Variants in IMMP2L observed in about 807,000 individuals in gnomAD.
IMMP2L encodes inner mitochondrial membrane peptidase subunit 2.
Under a neutral mutation model 19.3 loss-of-function variants are expected in IMMP2L, and 18 were observed. The ratio of observed to expected loss-of-function variants is 0.93; its 90% confidence interval spans 0.64 to 1.38. IMMP2L has a LOEUF of 1.38. Ranked by LOEUF, IMMP2L falls within the 40% of genes most tolerant of loss-of-function variation. The probability of loss-of-function intolerance (pLI) is 0.00; values close to 1 mark genes in which losing one functional copy is unlikely to be tolerated. For synonymous variants in IMMP2L, 76 were observed against 73.0 expected (o/e 1.04, Z -0.21); for missense variants, 233 against 218.2 (o/e 1.07, Z -0.43).
At chr7:111,111,170 AC>A (rs1315843406) in intron 3 of IMMP2L, among the ~76,000 whole-genome samples, 3 of 152,028 alleles carry the variant, frequency 2.0e-5, no homozygotes, top group African/African-American at 4.8e-5. Context: ...CAAATTTATA[AC>A]CCTGTTTTGA....
intron 3 of IMMP2L, among the ~76,000 whole-genome samples, chr7:110,974,142 G>A (rs1820447916): frequency 6.6e-6 from 1 of 152,096 alleles, no homozygotes. Flanking sequence ...ATGCCTGTGG[G>A]TTAAATGTAA....
chr7:111,461,776 T>A (rs1299573108), intron 3 of IMMP2L, among the ~76,000 whole-genome samples: 3 of 152,144 alleles, frequency 2.0e-5, no homozygotes, highest in Non-Finnish European at 4.4e-5. Flanking sequence ...GTTTTTCATA[T>A]TGTTTACAAG....
At chr7:111,481,955 G>A (rs1842228055) in intron 3 of IMMP2L, among the ~76,000 whole-genome samples, 1 of 152,198 alleles carries the variant, frequency 6.6e-6, no homozygotes, top group Non-Finnish European at 1.5e-5. Context: ...CACTCAGGAG[G>A]CTGAGGCAGG....
At chr7:111,454,963 C>A (rs968926470) in intron 3 of IMMP2L, among the ~76,000 whole-genome samples, 1 of 151,454 alleles carries the variant, frequency 6.6e-6, no homozygotes, top group African/African-American at 2.4e-5. Flanking sequence ...AGGAAAACTT[C>A]TAAACTTTAA....
At chr7:111,488,212 TAAGAA>T (rs1842810808) in intron 2 of IMMP2L, among the ~76,000 whole-genome samples, 1 of 152,280 alleles carries the variant, frequency 6.6e-6, no homozygotes, top group Admixed American at 6.5e-5. Context: ...ATAGGTTTTG[TAAGAA>T]AAGACAGTGT....
chr7:111,125,060 A>G lies in IMMP2L; in HGVS notation c.240-161495T>C, dbSNP rs118008724. The G allele has an allele frequency of 4.7e-3, 2,654 of 560,066 alleles. 10 individuals are homozygous for G. The highest frequency in any genetic ancestry group is 5.4e-3 in the Non-Finnish European group (1,721 of 318,946). 34.7% of individuals were successfully genotyped at this position (560,066 alleles called of 1,614,324 possible). A position where few individuals can be genotyped will look rare whatever the true frequency, so the allele number is the denominator to read the frequency against. On this transcript the variant is annotated intron_variant, in intron 3 of 5. Coordinates refer to ENST00000405709, the MANE Select transcript of IMMP2L (RefSeq NM_032549.4). ...GCTTCACCAATGCTGCTCCTGACCA[A>G]TGGAAATATGTACAACTTCAGCATT... is the stretch of plus-strand genomic sequence containing the variant.
At chr7:110,881,987 T>A (rs1184120131) in intron 5 of IMMP2L, among the ~76,000 whole-genome samples, 1 of 152,166 alleles carries the variant, frequency 6.6e-6, no homozygotes, top group Non-Finnish European at 1.5e-5. Context: ...GGCTCTCTCA[T>A]ACCCCCATCT....
At position 110,870,553 on chromosome 7, in the gene IMMP2L, TGTGTGTGTGTGCACGCGCATGTGTGC is replaced by T. The variant is rs1378317270; in HGVS notation, c.408+16014_408+16039del. ...GTAGCTAGAAGCAGGTGTGTGTGAG[TGTGTGTGTGTGCACGCGCATGTGTGC>T]GTGTGTTCCATTTTGTTAGATGCAC... On this transcript the variant is annotated intron_variant, in intron 5 of 5. Transcript: ENST00000405709. This position sits in a 1 kb window ranked among gnomAD's most constrained non-coding sequence, Gnocchi z 4.2. Among the ~76,000 whole-genome samples the T allele has an allele frequency of 9.2e-5, 14 of 151,798 alleles. No homozygotes were observed. Among genetic ancestry groups the T allele is most frequent in the African/African-American group, 3.1e-4 (13 of 41,372 alleles).
At chr7:111,128,486 A>C (rs143581970) in intron 3 of IMMP2L, among the ~76,000 whole-genome samples, 1 of 152,312 alleles carries the variant, frequency 6.6e-6, no homozygotes, top group African/African-American at 2.4e-5. Flanking sequence ...TATTCACTAT[A>C]TCTGCAGAAA....
intron 1 of IMMP2L, among the ~76,000 whole-genome samples, chr7:111,525,845 A>C (rs1469657721): frequency 1.3e-5 from 2 of 152,102 alleles, no homozygotes; most frequent in Non-Finnish European, 2.9e-5. Flanking sequence ...AGGAGTTACA[A>C]TATACCAAGG....
At chr7:111,239,773 T>A (rs948215133) in intron 3 of IMMP2L, among the ~76,000 whole-genome samples, 5 of 151,888 alleles carry the variant, frequency 3.3e-5, no homozygotes, top group South Asian at 2.1e-4. Context: ...GGGGGAAAAA[T>A]GAGCCAAATC....
At chr7:110,714,912 T>C (rs1219920425) in intron 5 of IMMP2L, among the ~76,000 whole-genome samples, 1 of 152,154 alleles carries the variant, frequency 6.6e-6, no homozygotes, top group Non-Finnish European at 1.5e-5. Context: ...CTTTTTTTAA[T>C]TGGCCAATTT....
Position 110,692,817 on chromosome 7 carries a change from A to C in IMMP2L, c.409-29096T>G, listed in dbSNP as rs1269221421. Among the ~76,000 whole-genome samples the C allele has an allele frequency of 2.0e-5, 3 of 152,172 alleles. No homozygotes were observed. The East Asian group carries it at 5.8e-4, about 29-fold the overall frequency. Reference sequence around the variant, plus strand: ...TGAAAGGCAGGAGATTGTATTAGATACTGCTAGGCCCAATGTGACTGCTAA... The same window carrying C: ...TGAAAGGCAGGAGATTGTATTAGATCCTGCTAGGCCCAATGTGACTGCTAA... On this transcript the variant is annotated intron_variant, in intron 5 of 5. Coordinates refer to ENST00000405709, the MANE Select transcript of IMMP2L (RefSeq NM_032549.4).
intron 1 of IMMP2L, among the ~76,000 whole-genome samples, chr7:111,556,644 C>T (rs915443954): frequency 2.6e-5 from 4 of 152,148 alleles, no homozygotes; most frequent in Non-Finnish European, 5.9e-5. Flanking sequence ...CATCATCATA[C>T]TTAATGGCCA....
chr7:110,891,173 C>T (rs144691521), intron 4 of IMMP2L, among the ~76,000 whole-genome samples: 1 of 149,484 alleles, frequency 6.7e-6, no homozygotes, highest in Non-Finnish European at 1.5e-5. Flanking sequence ...AAGTCAGGGG[C>T]TCTGGACCCA....
intron 1 of IMMP2L, among the ~76,000 whole-genome samples, chr7:111,531,939 C>T (rs955707089): frequency 3.3e-5 from 5 of 151,692 alleles, no homozygotes; most frequent in Non-Finnish European, 5.9e-5. Flanking sequence ...CATTATTTGG[C>T]ATTTGGGCTG....
At chr7:111,385,587 T>C (rs6975605) in intron 3 of IMMP2L, among the ~76,000 whole-genome samples, 7,130 of 152,214 alleles carry the variant, frequency 0.047, 241 homozygotes, top group South Asian at 0.076. Flanking sequence ...TAGAGAATGT[T>C]TGATCTTTTT....
intron 1 of IMMP2L, among the ~76,000 whole-genome samples, chr7:111,523,607 T>C (rs915466029): frequency 1.3e-5 from 2 of 152,116 alleles, no homozygotes; most frequent in South Asian, 2.1e-4. Flanking sequence ...TATCAACATA[T>C]ATTGCACATA....
rs115012484 is a variant in IMMP2L, at chr7:111,522,814, T to C, written c.-2-1365A>G. Reference sequence around the variant, plus strand: ...ATCCAAAGGAACTGAAATCAGTATATTGAAGAGATATTTGCACTCTTATGT... The same window carrying C: ...ATCCAAAGGAACTGAAATCAGTATACTGAAGAGATATTTGCACTCTTATGT... On this transcript the variant is annotated intron_variant, in intron 1 of 5. Coordinates refer to ENST00000405709, the MANE Select transcript of IMMP2L (RefSeq NM_032549.4). Among the ~76,000 whole-genome samples the C allele has an allele frequency of 8.7e-3, 1,321 of 151,968 alleles. 24 individuals are homozygous for C. Among genetic ancestry groups the C allele is most frequent in the African/African-American group, 0.031 (1,265 of 41,374 alleles).
Sources: gnomAD v4.1 joint callset for allele counts (sites outside exome capture counted in the v4.1 genomes callset) on GRCh38, gnomAD v4.1.1 for gene constraint, Gnocchi (gnomAD v3.1) non-coding constraint, MANE v1.5 for transcripts, NCBI Gene and HGNC (gene_info 2026-07-23, HGNC 2026-07-21) for gene names.